Variants in SPRY3 observed in about 807,000 individuals in gnomAD.
SPRY3 encodes the protein protein sprouty homolog 3.
SPRY3 carries 15 observed loss-of-function variants against 20.2 expected under a neutral mutation model. The observed-to-expected ratio is 0.74, with a 90% CI of 0.50 to 1.14. SPRY3 has a LOEUF of 1.14. SPRY3 is among the 50% of genes most tolerant of loss of function. The pLI, the probability that SPRY3 is intolerant of heterozygous loss-of-function variation, is 0.00. For missense variants in SPRY3, 364 were observed against 363.9 expected (o/e 1.00, Z 0.00); for synonymous variants, 143 against 136.5 (o/e 1.05, Z -0.33).
At chrX:155,756,492 A>G (rs985397823) in intron 2 of SPRY3, among the ~76,000 whole-genome samples, 2 of 152,080 alleles carry the variant, frequency 1.3e-5, no homozygotes, top group African/African-American at 4.8e-5. Context: ...GCCATATATA[A>G]AGATATATTT....
chrX:155,681,373 G>A (rs779218735), intron 2 of SPRY3, among the ~76,000 whole-genome samples: 24 of 112,222 alleles, frequency 2.1e-4, no homozygotes, highest in Middle Eastern at 4.6e-3. Flanking sequence ...CCCCAACCAC[G>A]TGGAACTGTA....
At chrX:155,756,469 A>C (rs2091283788) in intron 2 of SPRY3, among the ~76,000 whole-genome samples, 1 of 152,156 alleles carries the variant, frequency 6.6e-6, no homozygotes, top group South Asian at 2.1e-4. Flanking sequence ...GGACCTAGTC[A>C]GAAGTATGAC....
At chrX:155,705,578 T>C (rs1436924574) in intron 2 of SPRY3, among the ~76,000 whole-genome samples, 2 of 151,302 alleles carry the variant, frequency 1.3e-5, no homozygotes, top group Non-Finnish European at 3.0e-5. Flanking sequence ...AGATTGGATT[T>C]AAAAATAATC....
intron 3 of SPRY3, among the ~76,000 whole-genome samples, chrX:155,770,651 TCTCTC>T (rs945630157): frequency 1.1e-4 from 17 of 151,984 alleles, no homozygotes; most frequent in Admixed American, 3.3e-4. Flanking sequence ...TCTCTCTCTC[TCTCTC>T]ATTTGATAGA....
At chrX:155,704,297 C>T (rs1409539900) in intron 2 of SPRY3, among the ~76,000 whole-genome samples, 1 of 151,708 alleles carries the variant, frequency 6.6e-6, no homozygotes, top group Non-Finnish European at 1.5e-5. Flanking sequence ...TGGGTAATTT[C>T]TGCAGAGAGA....
At chrX:155,755,340 T>G in intron 2 of SPRY3, among the ~76,000 whole-genome samples, 1 of 152,224 alleles carries the variant, frequency 6.6e-6, no homozygotes, top group East Asian at 1.9e-4. Context: ...TCAGTCTTCC[T>G]TCCCCTGTAA....
intron 2 of SPRY3, among the ~76,000 whole-genome samples, chrX:155,766,263 C>T (rs746106132): frequency 1.6e-4 from 25 of 152,202 alleles, no homozygotes; most frequent in African/African-American, 6.0e-4. Context: ...TTTTAAATCT[C>T]ATTATTTCTT....
At chrX:155,723,142 A>T (rs1169897982) in intron 2 of SPRY3, among the ~76,000 whole-genome samples, 2 of 152,124 alleles carry the variant, frequency 1.3e-5, no homozygotes, top group African/African-American at 2.4e-5. Context: ...ATAGTATTCC[A>T]TGGTGTATAT....
chrX:155,756,992 C>G (rs1220756301), intron 2 of SPRY3, among the ~76,000 whole-genome samples: 1 of 152,152 alleles, frequency 6.6e-6, no homozygotes, highest in Non-Finnish European at 1.5e-5. Flanking sequence ...AATTGTTTTC[C>G]TGCTTCCAAC....
At chrX:155,764,272 T>G (rs1191353323) in intron 2 of SPRY3, among the ~76,000 whole-genome samples, 1 of 152,176 alleles carries the variant, frequency 6.6e-6, no homozygotes, top group African/African-American at 2.4e-5. Flanking sequence ...CAAAATATGT[T>G]TTCTGAAGAG....
chrX:155,743,358 G>T (rs1448126535), intron 2 of SPRY3, among the ~76,000 whole-genome samples: 1 of 152,060 alleles, frequency 6.6e-6, no homozygotes, highest in Non-Finnish European at 1.5e-5. Context: ...ACATGGTCAT[G>T]CCAAGTGTCT....
intron 2 of SPRY3, among the ~76,000 whole-genome samples, chrX:155,658,503 A>G (rs938574092): frequency 8.9e-6 from 1 of 112,216 alleles, no homozygotes; most frequent in South Asian, 3.7e-4. Context: ...TTTGGTGTAT[A>G]GAAATGCTAC....
chrX:155,715,173 T>C (rs2124546448), intron 2 of SPRY3, among the ~76,000 whole-genome samples: 1 of 152,158 alleles, frequency 6.6e-6, no homozygotes, highest in East Asian at 1.9e-4. Context: ...CCACCACAGC[T>C]GGGAATGTGC....
At chrX:155,738,835 C>T (rs994199579) in intron 2 of SPRY3, among the ~76,000 whole-genome samples, 1 of 152,328 alleles carries the variant, frequency 6.6e-6, no homozygotes, top group South Asian at 2.1e-4. Context: ...GCTTTGCATA[C>T]TCCACCCTGG....
intron 2 of SPRY3, among the ~76,000 whole-genome samples, chrX:155,707,372 A>T (rs1382669161): frequency 1.3e-5 from 2 of 151,214 alleles, no homozygotes; most frequent in African/African-American, 4.8e-5. Flanking sequence ...TTTTGAATTT[A>T]TTGAGACTTG....
At chrX:155,659,117 T>C (rs1181551734) in intron 2 of SPRY3, among the ~76,000 whole-genome samples, 1 of 96,265 alleles carries the variant, frequency 1.0e-5, no homozygotes, top group Non-Finnish European at 2.0e-5. Context: ...CTTTCTTTCT[T>C]TCTTTCTTTC....
At chrX:155,632,534 A>G (rs1465665228) in intron 1 of SPRY3, among the ~76,000 whole-genome samples, 1 of 111,414 alleles carries the variant, frequency 9.0e-6, no homozygotes, top group Non-Finnish European at 1.9e-5. Flanking sequence ...GTCTTGAAAG[A>G]ACTCAGCTTA....
At chrX:155,756,954 C>G (rs1044116069) in intron 2 of SPRY3, among the ~76,000 whole-genome samples, 27 of 152,154 alleles carry the variant, frequency 1.8e-4, no homozygotes, top group Non-Finnish European at 3.8e-4. Context: ...TTACCACTCT[C>G]TCATCTAGAC....
intron 2 of SPRY3, among the ~76,000 whole-genome samples, chrX:155,710,445 T>C (rs1044075086): frequency 9.2e-5 from 14 of 151,598 alleles, no homozygotes; most frequent in Non-Finnish European, 1.8e-4. Flanking sequence ...GGATTACTTT[T>C]TGATTTTTTT....
Sources: gnomAD v4.1 joint callset for allele counts (sites outside exome capture counted in the v4.1 genomes callset) on GRCh38, gnomAD v4.1.1 for gene constraint, MANE v1.5 for transcripts, NCBI Gene and HGNC (gene_info 2026-07-23, HGNC 2026-07-21) for gene names.